The following USH2A variants were observed in gnomAD, a reference collection of about 807,000 sequenced individuals.
USH2A encodes usherin.
Under a neutral mutation model 538.9 loss-of-function variants are expected in USH2A, and 443 were observed. The ratio of observed to expected loss-of-function variants is 0.82; its 90% CI spans 0.76 to 0.89. USH2A has a LOEUF of 0.89. Among genes scored for constraint, USH2A ranks in the 40% least tolerant of loss-of-function variants. The pLI, the probability that USH2A is intolerant of heterozygous loss-of-function variation, is 0.00. For missense variants in USH2A, 6,633 were observed against 6,324.8 expected, an observed-to-expected ratio of 1.05 and a Z score of -1.65; for synonymous variants, 2,413 against 2,273.5, an observed-to-expected ratio of 1.06 and a Z score of -1.75.
chr1:215,872,086 T>C (rs971259330), intron 43 of USH2A, among the ~76,000 whole-genome samples: 3 of 152,240 alleles, frequency 2.0e-5, no homozygotes, highest in African/African-American at 2.4e-5. Context: ...TAGTTGCTTC[T>C]TCCACTAACT....
At chr1:215,755,230 C>G (rs752029662) in intron 58 of USH2A, among the ~76,000 whole-genome samples, 2 of 152,164 alleles carry the variant, frequency 1.3e-5, no homozygotes, top group Non-Finnish European at 2.9e-5. Flanking sequence ...TGTCTTTACA[C>G]AAGCTTCCTA....
intron 16 of USH2A, among the ~76,000 whole-genome samples, chr1:216,206,842 A>T (rs1444483576): frequency 6.6e-6 from 1 of 152,222 alleles, no homozygotes; most frequent in East Asian, 1.9e-4. Context: ...TTGTGTGTCT[A>T]CTTAATGACT....
chr1:216,336,656 T>A (rs1381504223), intron 4 of USH2A, among the ~76,000 whole-genome samples: 1 of 151,270 alleles, frequency 6.6e-6, no homozygotes, highest in Non-Finnish European at 1.5e-5. Context: ...GCAAAGAAAA[T>A]TAAATGGAAA....
At chr1:215,805,992 A>AG (rs1396474389) in intron 49 of USH2A, among the ~76,000 whole-genome samples, 1 of 151,726 alleles carries the variant, frequency 6.6e-6, no homozygotes, top group African/African-American at 2.4e-5. Flanking sequence ...ATCAAAAAAA[A>AG]AAAAAAAAAA....
intron 56 of USH2A, among the ~76,000 whole-genome samples, chr1:215,765,347 G>T (rs1445744801): frequency 6.6e-6 from 1 of 152,042 alleles, no homozygotes; most frequent in African/African-American, 2.4e-5. Flanking sequence ...GTGAATTCCT[G>T]GTGAGGAGCC....
At chr1:216,120,716 G>T (rs1227556308) in intron 21 of USH2A, among the ~76,000 whole-genome samples, 1 of 151,950 alleles carries the variant, frequency 6.6e-6, no homozygotes, top group Non-Finnish European at 1.5e-5. Flanking sequence ...GCCGGGCATG[G>T]TGGCGGGCAC....
chr1:215,964,072 A>G (rs1667270453), intron 37 of USH2A, among the ~76,000 whole-genome samples: 1 of 152,174 alleles, frequency 6.6e-6, no homozygotes, highest in African/African-American at 2.4e-5. Context: ...CGGGATGACA[A>G]CTGAAGATGA....
chr1:216,327,306 G>A (rs1047528718), intron 5 of USH2A, among the ~76,000 whole-genome samples: 5 of 152,036 alleles, frequency 3.3e-5, no homozygotes, highest in African/African-American at 1.2e-4. Context: ...GAAAATTTAA[G>A]CATTGTATCC....
chr1:216,074,351 C>T (rs906033707), intron 27 of USH2A, among the ~76,000 whole-genome samples: 5 of 132,170 alleles, frequency 3.8e-5, no homozygotes, highest in African/African-American at 1.4e-4. Context: ...TCTCTCTCTC[C>T]GAACAAAACA....
rs1421064346 is a variant in USH2A, at chr1:215,773,488, C to CTG, written c.10939+6354_10939+6355insCA. Among the ~76,000 whole-genome samples, 508 of 98,994 alleles carry CTG rather than the reference C, an allele frequency of 5.1e-3. 1 individual carries two copies. The highest frequency in any genetic ancestry group is 0.021 in the African/African-American group (471 of 22,180). The allele number at this position is 98,994 out of a possible 152,430, so 64.9% of individuals were successfully genotyped here. On this transcript the variant is annotated intron_variant, in intron 55 of 71. Coordinates refer to ENST00000307340, the MANE Select transcript of USH2A (RefSeq NM_206933.4). ...CCACTTTACGGATGTCTCTCTGTCT[C>CTG]TCTGTCTCTCTCTCTCTCTCTCTGT...
chr1:215,949,735 T>C (rs78423803), intron 37 of USH2A, among the ~76,000 whole-genome samples: 4,879 of 152,086 alleles, frequency 0.032, 121 homozygotes, highest in South Asian at 0.084. Context: ...GATTTAATTA[T>C]CAAAAATCTG....
chr1:216,073,809 A>G (rs2031655111), intron 27 of USH2A, among the ~76,000 whole-genome samples: 1 of 152,222 alleles, frequency 6.6e-6, no homozygotes, highest in Non-Finnish European at 1.5e-5. Flanking sequence ...CATAATTTCA[A>G]AATATATTAG....
chr1:215,749,501 C>T (rs1331238487), intron 58 of USH2A, among the ~76,000 whole-genome samples: 1 of 152,206 alleles, frequency 6.6e-6, no homozygotes, highest in African/African-American at 2.4e-5. Flanking sequence ...AGTGGGCCCC[C>T]TCCACTATCA....
intron 71 of USH2A, among the ~76,000 whole-genome samples, chr1:215,627,946 C>T (rs867684096): frequency 6.6e-6 from 1 of 152,188 alleles, no homozygotes; most frequent in Non-Finnish European, 1.5e-5. Flanking sequence ...TTATTGTAGC[C>T]GCTCAGAGAC....
chr1:215,883,794 G>T lies in USH2A; in HGVS notation c.8223+4632C>A, dbSNP rs149890332. ...AATACCATATTATTATAACTCAATGGCTTTAAAGTAAGTTTACATACTACA... is the reference window on the plus strand; with the variant it reads ...AATACCATATTATTATAACTCAATGTCTTTAAAGTAAGTTTACATACTACA... On this transcript the variant is annotated intron_variant, in intron 41 of 71. Coordinates refer to ENST00000307340, the MANE Select transcript of USH2A (RefSeq NM_206933.4). Among the ~76,000 whole-genome samples the T allele has an allele frequency of 2.9e-4, 44 of 152,002 alleles. No individual in the cohort carries two copies. In the Middle Eastern group the frequency reaches 0.01, roughly 35 times the overall value.
intron 61 of USH2A, among the ~76,000 whole-genome samples, chr1:215,703,992 GA>G (rs943990890): frequency 6.6e-6 from 1 of 152,224 alleles, no homozygotes; most frequent in African/African-American, 2.4e-5. Flanking sequence ...ACGACTGTAG[GA>G]AAAGTGTAGT....
intron 4 of USH2A, 123 bp downstream of exon 4, chr1:216,364,830 A>T (rs2038563474): frequency 1.5e-6 from 2 of 1,291,556 alleles, no homozygotes; most frequent in Non-Finnish European, 1.1e-6. Context: ...AGTTGGTGGT[A>T]ATTTGTTCAG....
chr1:215,814,205 A>G (rs1209165038), intron 48 of USH2A, among the ~76,000 whole-genome samples: 1 of 146,350 alleles, frequency 6.8e-6, no homozygotes, highest in Non-Finnish European at 1.5e-5. Context: ...TTTATTATAT[A>G]AAATTTTAAT....
intron 61 of USH2A, among the ~76,000 whole-genome samples, chr1:215,691,445 G>C (rs1036441719): frequency 8.5e-5 from 13 of 152,052 alleles, no homozygotes; most frequent in Non-Finnish European, 1.5e-4. Context: ...GTGCCTTGAG[G>C]CCTCTGTACT....
Sources: allele counts gnomAD v4.1 joint callset (sites outside exome capture counted in the v4.1 genomes callset), GRCh38; gene constraint gnomAD v4.1.1; transcripts MANE v1.5; gene names NCBI Gene and HGNC (gene_info 2026-07-23, HGNC 2026-07-21).